ZNF432: variants seen among roughly 807,000 people sequenced by gnomAD.
ZNF432 encodes zinc finger protein 432.
ZNF432 carries 10 observed loss-of-function variants against 13.9 expected under a neutral mutation model. The ratio of observed to expected loss-of-function variants is 0.72; its 90% CI spans 0.44 to 1.22. ZNF432 has a LOEUF of 1.22. Ranked by LOEUF, ZNF432 falls within the 50% of genes most tolerant of loss-of-function variation. The pLI, the probability that ZNF432 is intolerant of heterozygous loss-of-function variation, is 0.00. For synonymous variants in ZNF432, 247 were observed against 256.2 expected (o/e 0.96, Z 0.34); for missense variants, 793 against 796.2 (o/e 1.00, Z 0.05).
chr19:52,041,293 T>G (rs763325428), intron 3 of ZNF432, among the ~76,000 whole-genome samples, 187 bp downstream of exon 3: 1 of 152,164 alleles, frequency 6.6e-6, no homozygotes, highest in Non-Finnish European at 1.5e-5. Context: ...TTCATATCCA[T>G]GGAAAGTTGT....
chr19:52,043,805 T>A (rs1387365054), intron 2 of ZNF432, among the ~76,000 whole-genome samples: 1 of 152,178 alleles, frequency 6.6e-6, no homozygotes, highest in Non-Finnish European at 1.5e-5. Flanking sequence ...CAGCACTTAA[T>A]CCTTTACCTT....
At position 52,040,601 on chromosome 19, in the gene ZNF432, T is replaced by C. The variant is rs373747929; in HGVS notation, c.143-18A>G. 1.7e-5 allele frequency: 28 copies of C among 1,605,542 alleles called. No homozygotes were observed. The highest frequency in any genetic ancestry group is 6.7e-5 in the Admixed American group (4 of 59,992). ...TTGATAACCTGTTTACGGGAAATAA[T>C]AGAAGACAGACACACTGGATTGGGC... On this transcript the variant is annotated intron_variant, in intron 3 of 4. Coordinates refer to ENST00000221315, the MANE Select transcript of ZNF432 (RefSeq NM_014650.4).
At chr19:52,043,943 T>G (rs1171196770) in intron 2 of ZNF432, among the ~76,000 whole-genome samples, 1 of 152,174 alleles carries the variant, frequency 6.6e-6, no homozygotes, top group East Asian at 1.9e-4. Context: ...CTAAGGGAAC[T>G]CAGAGGCTGG....
intron 4 of ZNF432, among the ~76,000 whole-genome samples, chr19:52,037,225 T>C (rs1202833190): frequency 2.6e-5 from 4 of 152,204 alleles, no homozygotes; most frequent in African/African-American, 9.7e-5. Context: ...TGTGTGGTAA[T>C]TGTTACTAAA....
chr19:52,033,973 C>T lies in ZNF432; in HGVS notation c.1706G>A (p.Cys569Tyr), dbSNP rs1350514148. 6.2e-7 allele frequency: 1 copy of T among 1,614,106 alleles called. No individual in the cohort carries two copies. The highest frequency in any genetic ancestry group is 8.5e-7 in the Non-Finnish European group (1 of 1,180,020). The part of the protein sequence containing the change: ...HQQIHTEEKS[C>Y]ICSECGRGFA... ...GCCTCTTCCACATTCACTACATATA[C>T]AAGATTTCTCTTCTGTATGAATTTG... Residue 569 changes from cysteine (C) to tyrosine (Y), a missense_variant, in exon 5 of 5, where the codon TGT becomes TAT. By Grantham distance (194) the Cys-to-Tyr change is radical. Coordinates refer to ENST00000221315, the MANE Select transcript of ZNF432 (RefSeq NM_014650.4).
chr19:52,033,586 C>G lies in ZNF432; in HGVS notation c.*134G>C, dbSNP rs541402837. The G allele has an allele frequency of 2.0e-6, 2 of 1,022,944 alleles. No homozygotes were observed. Among genetic ancestry groups the G allele is most frequent in the Admixed American group, 2.7e-5 (1 of 37,450 alleles). The allele number at this position is 1,022,944 out of a possible 1,614,324, so 63.4% of individuals were successfully genotyped here. On this transcript the variant is annotated 3_prime_UTR_variant, in exon 5 of 5. Coordinates refer to ENST00000221315, the MANE Select transcript of ZNF432 (RefSeq NM_014650.4). ...CTTTCTGACATTGATAGCATTCATC[C>G]TAGTGAATAACACTGGATTTTGAAA...
chr19:52,041,493 G>C lies in ZNF432; in HGVS notation c.129C>G (p.Asn43Lys). 1 of 1,605,538 alleles carries C rather than the reference G, an allele frequency of 6.2e-7. No individual in the cohort carries two copies. Among genetic ancestry groups the C allele is most frequent in the Non-Finnish European group, 8.5e-7 (1 of 1,175,310 alleles). Residue 43 changes from asparagine to lysine, a missense_variant, in exon 3 of 5, where the codon AAC becomes AAG. Transcript: ENST00000221315. The stretch of plus-strand genomic sequence containing the variant: ...AGCTGTCCTCACCCATTGATAGCAG[G>C]TTGCTGTAGATCTCCAACATCACAT... ...YRDVMLEIYS[N>K]LLSMGYQVSK...
chr19:52,033,513 T>C lies in ZNF432; in HGVS notation c.*207A>G, dbSNP rs1025086284. On this transcript the variant is annotated 3_prime_UTR_variant, in exon 5 of 5. Coordinates refer to ENST00000221315, the MANE Select transcript of ZNF432 (RefSeq NM_014650.4). ...ACTCTCTCTCAGATGAGTAATTTTC[T>C]ATACATTGGTACATCAAAGAATTCA... 7.3e-6 allele frequency: 4 copies of C among 548,760 alleles called. No individual in the cohort carries two copies. The African/African-American group carries it at 7.6e-5, about 10-fold the overall frequency. 34.0% of individuals were successfully genotyped at this position (548,760 alleles called of 1,614,324 possible). A position where few individuals can be genotyped will look rare whatever the true frequency, so the allele number is the denominator to read the frequency against.
At chr19:52,043,512 G>C (rs1284635671) in intron 2 of ZNF432, among the ~76,000 whole-genome samples, 1 of 151,900 alleles carries the variant, frequency 6.6e-6, no homozygotes, top group East Asian at 1.9e-4. Flanking sequence ...TGGCCTCGTG[G>C]GAAGGGAAAG....
Position 52,034,272 on chromosome 19 carries a change from C to G in ZNF432, c.1407G>C (p.Lys469Asn). ...CSECGKGFPL[K>N]SRLIVHQRTH... is the part of the protein sequence containing the mutation. ...TTCGCTGATGTACAATCAGCCGACT[C>G]TTCAAGGGGAAGCCTTTCCCACATT... is the stretch of plus-strand genomic sequence containing the variant. The change falls in exon 5 of 5, where the codon AAG becomes AAC. Residue 469 changes from lysine (K) to asparagine (N), a missense_variant. By Grantham distance (94) the Lys-to-Asn change is moderately conservative (BLOSUM62 0). Transcript: ENST00000221315. The G allele has an allele frequency of 6.2e-7, 1 of 1,613,964 alleles. No individual in the cohort carries two copies. Among genetic ancestry groups the G allele is most frequent in the Non-Finnish European group, 8.5e-7 (1 of 1,179,938 alleles).
At position 52,040,593 on chromosome 19, in the gene ZNF432, G is replaced by A. The variant is rs759277305; in HGVS notation, c.143-10C>T. 1 of 1,611,572 alleles carries A rather than the reference G, an allele frequency of 6.2e-7. No individual in the cohort carries two copies. The highest frequency in any genetic ancestry group is 2.2e-5 in the East Asian group (1 of 44,848). On this transcript the variant is annotated splice_polypyrimidine_tract_variant and intron_variant, in intron 3 of 4. Transcript: ENST00000221315. ...TTGCTGACTTGATAACCTGTTTACG[G>A]GAAATAATAGAAGACAGACACACTG...
rs767757713 is a variant in ZNF432, at chr19:52,034,834, G to A, written c.845C>T (p.Thr282Ile). Residue 282 changes from threonine to isoleucine, a missense_variant, in exon 5 of 5, where the codon ACT becomes ATT. Physicochemically the swap from Thr to Ile is moderately conservative, Grantham distance 89. Transcript: ENST00000221315. ...TATGTAGGGTTTCTCTCCAGTATGAGTTCGCTGATGTTCAATCAGACGGCT... is the reference window on the plus strand; with the variant it reads ...TATGTAGGGTTTCTCTCCAGTATGAATTCGCTGATGTTCAATCAGACGGCT... ...MKSRLIEHQR[T>I]HTGEKPYICN... is the part of the protein sequence containing the mutation. 1 of 1,613,564 alleles carries A rather than the reference G, an allele frequency of 6.2e-7. No homozygotes were observed. Among genetic ancestry groups the A allele is most frequent in the South Asian group, 1.1e-5 (1 of 90,976 alleles).
chr19:52,036,978 C>A (rs1235918191), intron 4 of ZNF432, among the ~76,000 whole-genome samples: 1 of 152,068 alleles, frequency 6.6e-6, no homozygotes, highest in Non-Finnish European at 1.5e-5. Context: ...GCCAGGATAC[C>A]ATGTTGAGAA....
At chr19:52,039,964 C>T (rs2087119060) in intron 4 of ZNF432, among the ~76,000 whole-genome samples, 1 of 150,728 alleles carries the variant, frequency 6.6e-6, no homozygotes, top group Non-Finnish European at 1.5e-5. Context: ...GTGATGGTTA[C>T]ATAACTGTTC....
Position 52,033,642 on chromosome 19 carries a change from AAAATCTATACTGTG to A in ZNF432, c.*64_*77del. 6.8e-7 allele frequency: 1 copy of A among 1,471,026 alleles called. No homozygotes were observed. Among genetic ancestry groups the A allele is most frequent in the Non-Finnish European group, 9.1e-7 (1 of 1,097,028 alleles). 91.1% of individuals were successfully genotyped at this position (1,471,026 alleles called of 1,614,324 possible). On this transcript the variant is annotated 3_prime_UTR_variant, in exon 5 of 5. Transcript: ENST00000221315. ...TTTTTCATACTCAGTACACATGTAG[AAAATCTATACTGTG>A]AAATCTCTGATGTTGTACAAGGCAG...
At position 52,048,184 on chromosome 19, in the gene ZNF432, A is replaced by ACACACACACACACACAC. The variant is rs1568525403; in HGVS notation, c.-193+510_-193+511insGTGTGTGTGTGTGTGTG. Among the ~76,000 whole-genome samples the ACACACACACACACACAC allele has an allele frequency of 8.4e-4, 47 of 56,150 alleles. 1 individual carries two copies. Among genetic ancestry groups the ACACACACACACACACAC allele is most frequent in the African/African-American group, 2.1e-3 (46 of 21,444 alleles). The allele number at this position is 56,150 out of a possible 152,430, so 36.8% of individuals were successfully genotyped here. A position where few individuals can be genotyped will look rare whatever the true frequency, so the allele number is the denominator to read the frequency against. On this transcript the variant is annotated intron_variant, in intron 1 of 4. Coordinates refer to ENST00000221315, the MANE Select transcript of ZNF432 (RefSeq NM_014650.4). Reference sequence around the variant, plus strand: ...ACACACACACACACACACACACACAAAACCAGCCAGGGCTCTTGTGAAAAG... The same window carrying ACACACACACACACACAC: ...ACACACACACACACACACACACACAACACACACACACACACACAACCAGCCAGGGCTCTTGTGAAAAG...
At position 52,033,978 on chromosome 19, in the gene ZNF432, T is replaced by C. The variant is rs1236560232; in HGVS notation, c.1701A>G (p.Lys567=). 6.2e-7 allele frequency: 1 copy of C among 1,614,176 alleles called. No individual in the cohort carries two copies. Among genetic ancestry groups the C allele is most frequent in the Non-Finnish European group, 8.5e-7 (1 of 1,180,024 alleles). ...IVHQQIHTEE[K]SCICSECGRG... is the part of the protein sequence containing the mutation. ...TTCCACATTCACTACATATACAAGA[T>C]TTCTCTTCTGTATGAATTTGCTGAT... The change falls in exon 5 of 5, where the codon AAA becomes AAG. Residue 567 remains lysine, a synonymous_variant. Transcript: ENST00000221315.
Position 52,033,905 on chromosome 19 carries a change from T to C in ZNF432, c.1774A>G (p.Thr592Ala). ...TTACATCCATAAGGTTTTTCTCCAGTATGAACTTGCTTATGTAAAGCAAGC... is the reference window on the plus strand; with the variant it reads ...TTACATCCATAAGGTTTTTCTCCAGCATGAACTTGCTTATGTAAAGCAAGC... ...TELALHKQVH[T>A]GEKPYGCNEC... Residue 592 changes from threonine to alanine, a missense_variant, in exon 5 of 5, where the codon ACT becomes GCT. Coordinates refer to ENST00000221315, the MANE Select transcript of ZNF432 (RefSeq NM_014650.4). 1 of 1,614,074 alleles carries C rather than the reference T, an allele frequency of 6.2e-7. No individual in the cohort carries two copies. Among genetic ancestry groups the C allele is most frequent in the Non-Finnish European group, 8.5e-7 (1 of 1,180,000 alleles).
rs1435136714 is a variant in ZNF432 at position 52,034,346 on chromosome 19, T to C, written c.1333A>G (p.Ile445Val). Residue 445 changes from isoleucine to valine, a missense_variant, in exon 5 of 5, where the codon ATC (isoleucine) becomes GTC (valine). Coordinates refer to ENST00000221315, the MANE Select transcript of ZNF432 (RefSeq NM_014650.4). ...GKGFTVKSML[I>V]IHQRTHTGEK... ...CCTGTATGAGTTCGCTGATGTATGA[T>C]GAGCATGCTTTTCACAGTAAAACCT... The C allele has an allele frequency of 6.2e-7, 1 of 1,613,946 alleles. No individual in the cohort carries two copies. The highest frequency in any genetic ancestry group is 1.3e-5 in the African/African-American group (1 of 75,014).
Sources: gnomAD v4.1 joint callset for allele counts (sites outside exome capture counted in the v4.1 genomes callset) on GRCh38, gnomAD v4.1.1 for gene constraint, MANE v1.5 for transcripts, NCBI Gene and HGNC (gene_info 2026-07-23, HGNC 2026-07-21) for gene names.